Variants in TAMM41 observed in about 807,000 individuals in gnomAD.
The protein encoded by TAMM41 is TAM41 mitochondrial translocator assembly and maintenance homolog, also known as phosphatidate cytidylyltransferase, mitochondrial.
Under a neutral mutation model 44.1 loss-of-function variants are expected in TAMM41, and 36 were observed. The ratio of observed to expected loss-of-function variants is 0.82; its 90% CI spans 0.63 to 1.08. The LOEUF (loss-of-function observed/expected upper bound fraction) is 1.08. TAMM41 is among the 50% of genes least tolerant of loss of function. The pLI, the probability that TAMM41 is intolerant of heterozygous loss-of-function variation, is 0.00. For missense variants in TAMM41, 417 were observed against 404.3 expected, an observed-to-expected ratio of 1.03 and a Z score of -0.27; for synonymous variants, 164 against 153.1, an observed-to-expected ratio of 1.07 and a Z score of -0.53.
At chr3:11,809,460 C>CA (rs1234142486) in intron 6 of TAMM41, 57 bp downstream of exon 6, 18 of 1,594,406 alleles carry the variant, frequency 1.1e-5, no homozygotes, top group Non-Finnish European at 1.5e-5. Context: ...CAATCACAAA[C>CA]AAAGTCTGCT....
At chr3:11,747,023 G>C in the TAMM41 span, among the ~76,000 whole-genome samples, 1 of 152,140 alleles carries the variant, frequency 6.6e-6, no homozygotes, top group Admixed American at 6.6e-5. Flanking sequence ...TGGTTACCTG[G>C]AATAGGGCTT....
the TAMM41 span, among the ~76,000 whole-genome samples, chr3:11,767,413 T>C: frequency 5.9e-5 from 9 of 152,064 alleles, no homozygotes; most frequent in East Asian, 1.9e-4. Flanking sequence ...ATGAATGATG[T>C]TGTGATGTTG....
intron 3 of TAMM41, among the ~76,000 whole-genome samples, chr3:11,836,602 T>C (rs1025631566): frequency 6.6e-6 from 1 of 152,216 alleles, no homozygotes; most frequent in Admixed American, 6.5e-5. Context: ...TGGCTGGGAT[T>C]ACTGGCGTGT....
At chr3:11,828,769 G>T (rs2078864096) in intron 4 of TAMM41, among the ~76,000 whole-genome samples, 1 of 152,180 alleles carries the variant, frequency 6.6e-6, no homozygotes, top group Non-Finnish European at 1.5e-5. Context: ...ATTTTGGGAA[G>T]ATGGAAGAAC....
At chr3:11,809,903 C>T in intron 5 of TAMM41, 1 of 405,070 alleles carries the variant, frequency 2.5e-6, no homozygotes, top group Non-Finnish European at 4.3e-6. Flanking sequence ...TATAATATTC[C>T]ATTTCTACCT....
the TAMM41 span, among the ~76,000 whole-genome samples, chr3:11,770,060 C>T: frequency 6.6e-6 from 1 of 152,168 alleles, no homozygotes; most frequent in East Asian, 1.9e-4. Context: ...AACTTGATTC[C>T]AGTTAATTGA....
At chr3:11,762,905 C>T in the TAMM41 span, among the ~76,000 whole-genome samples, 1 of 152,156 alleles carries the variant, frequency 6.6e-6, no homozygotes, top group African/African-American at 2.4e-5. Flanking sequence ...TCTAAAAATA[C>T]AAAAAATTAT....
the TAMM41 span, among the ~76,000 whole-genome samples, chr3:11,753,494 G>T: frequency 6.6e-6 from 1 of 151,998 alleles, no homozygotes; most frequent in Non-Finnish European, 1.5e-5. Context: ...GGAGGCCGAG[G>T]CATGTGGATC....
At chr3:11,838,810 G>T (rs747415957) in intron 3 of TAMM41, among the ~76,000 whole-genome samples, 4 of 151,900 alleles carry the variant, frequency 2.6e-5, no homozygotes. Context: ...TGGGAGTGGG[G>T]GGCCTGAAAG....
the TAMM41 span, among the ~76,000 whole-genome samples, chr3:11,731,866 C>T: frequency 1.4e-5 from 2 of 142,042 alleles, no homozygotes; most frequent in Admixed American, 7.3e-5. Context: ...GGGTCTCAAT[C>T]TAATTAGGGC....
At chr3:11,833,925 C>A (rs1406226466) in intron 3 of TAMM41, among the ~76,000 whole-genome samples, 2 of 152,064 alleles carry the variant, frequency 1.3e-5, no homozygotes, top group Admixed American at 6.6e-5. Context: ...GTGTGGTATG[C>A]GAATTTTATC....
the TAMM41 span, among the ~76,000 whole-genome samples, chr3:11,729,574 T>TC: frequency 7.9e-6 from 1 of 126,498 alleles, no homozygotes; most frequent in Non-Finnish European, 1.6e-5. Flanking sequence ...TTTTTTTTTT[T>TC]TTATGAGACA....
the TAMM41 span, among the ~76,000 whole-genome samples, chr3:11,771,077 GTC>G: frequency 1.3e-5 from 2 of 152,192 alleles, no homozygotes; most frequent in African/African-American, 4.8e-5. Context: ...GCTCTAGGTG[GTC>G]TGGATGTCAG....
chr3:11,837,876 G>A (rs2079251153), intron 3 of TAMM41, among the ~76,000 whole-genome samples: 1 of 152,198 alleles, frequency 6.6e-6, no homozygotes, highest in South Asian at 2.1e-4. Flanking sequence ...GAATCTTGAG[G>A]GGGAGGGCAG....
chr3:11,811,800 C>T (rs769792192), intron 5 of TAMM41, among the ~76,000 whole-genome samples: 8 of 152,212 alleles, frequency 5.3e-5, no homozygotes, highest in South Asian at 4.1e-4. Flanking sequence ...GAGCTGGGGA[C>T]GGCTAAAGGG....
intron 5 of TAMM41, among the ~76,000 whole-genome samples, chr3:11,813,306 G>C (rs528821597): frequency 6.6e-6 from 1 of 152,256 alleles, no homozygotes; most frequent in East Asian, 1.9e-4. Context: ...GAAGCGGGCA[G>C]ATTACTTGAG....
the TAMM41 span, among the ~76,000 whole-genome samples, chr3:11,753,497 T>A: frequency 6.6e-6 from 1 of 151,600 alleles, no homozygotes; most frequent in Non-Finnish European, 1.5e-5. Context: ...GGCCGAGGCA[T>A]GTGGATCACA....
intron 3 of TAMM41, among the ~76,000 whole-genome samples, chr3:11,831,156 G>A (rs539008344): frequency 6.6e-6 from 1 of 152,296 alleles, no homozygotes; most frequent in East Asian, 1.9e-4. Flanking sequence ...GCTTCTCTGG[G>A]CCAGCGGTTC....
chr3:11,783,957 T>C, the TAMM41 span, among the ~76,000 whole-genome samples: 3 of 152,196 alleles, frequency 2.0e-5, no homozygotes, highest in African/African-American at 7.2e-5. Flanking sequence ...ACAAGAAACA[T>C]TGCTCCAAAT....
Sources: gnomAD v4.1 joint callset for allele counts (sites outside exome capture counted in the v4.1 genomes callset) on GRCh38, gnomAD v4.1.1 for gene constraint, MANE v1.5 for transcripts, NCBI Gene and HGNC (gene_info 2026-07-23, HGNC 2026-07-21) for gene names.